Variants in DLC1 observed in about 807,000 individuals in gnomAD.
DLC1 encodes the protein DLC1 Rho GTPase activating protein, also known as rho GTPase-activating protein 7.
DLC1 carries 54 observed loss-of-function variants against 140.3 expected under a neutral mutation model. The observed-to-expected ratio is 0.38, with a 90% CI of 0.31 to 0.48. DLC1 has a LOEUF of 0.48. Among genes scored for constraint, DLC1 ranks in the 20% least tolerant of loss-of-function variants. The pLI is 0.96. For missense variants in DLC1, 2,536 were observed against 1,907.0 expected (o/e 1.33, Z -6.14); for synonymous variants, 986 against 728.1 (o/e 1.35, Z -5.70).
intron 1 of DLC1, among the ~76,000 whole-genome samples, chr8:13,512,238 GA>G (rs950683426): frequency 1.1e-4 from 17 of 150,392 alleles, no homozygotes; most frequent in Admixed American, 2.0e-4. Flanking sequence ...CATGAAAATG[GA>G]AAAAAAAAGT....
intron 1 of DLC1, among the ~76,000 whole-genome samples, chr8:13,500,719 A>G (rs1801774379): frequency 6.6e-6 from 1 of 152,186 alleles, no homozygotes; most frequent in Admixed American, 6.5e-5. Context: ...AACCCAAACG[A>G]CCAGTATGTA....
chr8:13,585,774 C>T (rs1389809545), intron 1 of DLC1, among the ~76,000 whole-genome samples: 5 of 152,044 alleles, frequency 3.3e-5, no homozygotes, highest in African/African-American at 1.2e-4. Flanking sequence ...TTTATTCTAC[C>T]CATGCTCATA....
At chr8:13,275,455 A>G (rs1383744149) in intron 5 of DLC1, among the ~76,000 whole-genome samples, 1 of 152,242 alleles carries the variant, frequency 6.6e-6, no homozygotes, top group African/African-American at 2.4e-5. Context: ...CCATCCATGT[A>G]GACGGCATAG....
chr8:13,152,433 T>G (rs1823890273), intron 5 of DLC1, among the ~76,000 whole-genome samples: 1 of 152,230 alleles, frequency 6.6e-6, no homozygotes, highest in Non-Finnish European at 1.5e-5. Context: ...CAATAAAGCT[T>G]TAATTAAAGC....
chr8:13,470,780 A>G (rs965538252), intron 2 of DLC1, among the ~76,000 whole-genome samples: 6 of 152,186 alleles, frequency 3.9e-5, no homozygotes, highest in African/African-American at 1.4e-4. Flanking sequence ...CTGTATATAT[A>G]CAAAGGAAAG....
At chr8:13,165,801 T>C (rs567470624) in intron 5 of DLC1, among the ~76,000 whole-genome samples, 4 of 152,248 alleles carry the variant, frequency 2.6e-5, no homozygotes, top group African/African-American at 9.6e-5. Flanking sequence ...TGGCCTTGAC[T>C]AGCAGTAGGG....
chr8:13,500,098 G>C lies in DLC1; in HGVS notation c.-27C>G, dbSNP rs749353558. Reference sequence around the variant, plus strand: ...TCATCGTAGTTTAACAACAGACAGAGAGATATATTCCATATGAGGGTAAAG... The same window carrying C: ...TCATCGTAGTTTAACAACAGACAGACAGATATATTCCATATGAGGGTAAAG... On this transcript the variant is annotated 5_prime_UTR_variant, in exon 2 of 18. Transcript: ENST00000276297. The C allele has an allele frequency of 4.4e-5, 69 of 1,583,904 alleles. 1 individual carries two copies. The South Asian group carries it at 7.1e-4, about 16-fold the overall frequency.
At chr8:13,105,392 G>A (rs1412616926) in intron 7 of DLC1, among the ~76,000 whole-genome samples, 1 of 152,092 alleles carries the variant, frequency 6.6e-6, no homozygotes, top group African/African-American at 2.4e-5. Flanking sequence ...GAGGCCTACT[G>A]CGGGCCAGGC....
chr8:13,392,136 G>A (rs983029881), intron 4 of DLC1, among the ~76,000 whole-genome samples: 1 of 152,022 alleles, frequency 6.6e-6, no homozygotes, highest in African/African-American at 2.4e-5. Flanking sequence ...AGTTTACCCC[G>A]AAAGATCATT....
At chr8:13,245,771 G>A (rs1829738344) in intron 5 of DLC1, among the ~76,000 whole-genome samples, 1 of 152,106 alleles carries the variant, frequency 6.6e-6, no homozygotes, top group East Asian at 1.9e-4. Context: ...CATGATCTCA[G>A]CTCACTACAA....
intron 5 of DLC1, among the ~76,000 whole-genome samples, chr8:13,266,757 C>A (rs1468018994): frequency 6.6e-6 from 1 of 151,706 alleles, no homozygotes; most frequent in Admixed American, 6.6e-5. Context: ...AAAAACAAAA[C>A]AAAACAAAAC....
intron 2 of DLC1, among the ~76,000 whole-genome samples, chr8:13,413,640 G>T (rs1336917651): frequency 2.6e-5 from 4 of 151,950 alleles, no homozygotes; most frequent in Non-Finnish European, 4.4e-5. Context: ...TCATGGAGGA[G>T]GTTCCCCCAT....
intron 4 of DLC1, among the ~76,000 whole-genome samples, chr8:13,356,305 G>C (rs1563280078): frequency 6.6e-6 from 1 of 152,012 alleles, no homozygotes; most frequent in Non-Finnish European, 1.5e-5. Flanking sequence ...AAGTCATCCA[G>C]TCCAATTCCT....
chr8:13,499,897 C>T lies in DLC1; in HGVS notation c.175G>A (p.Val59Ile). ...TLNVDRKEKC[V>I]SLPDCCHGSE... ...CCATGACAGCAGTCAGGTAGTGAAA[C>T]ACACTTCTCTTTGCGGTCCACATTT... is the stretch of plus-strand genomic sequence containing the variant. The change falls in exon 2 of 18, where the codon GTT becomes ATT. Residue 59 changes from valine to isoleucine, a missense_variant. By Grantham distance (29) the Val-to-Ile change is conservative. Transcript: ENST00000276297. 2 of 1,614,088 alleles carry T rather than the reference C, an allele frequency of 1.2e-6. No homozygotes were observed. The highest frequency in any genetic ancestry group is 1.7e-6 in the Non-Finnish European group (2 of 1,179,990).
intron 1 of DLC1, among the ~76,000 whole-genome samples, chr8:13,547,558 A>G (rs1803695364): frequency 6.6e-6 from 1 of 152,084 alleles, no homozygotes; most frequent in African/African-American, 2.4e-5. Flanking sequence ...AAAGGTGAGT[A>G]TATGCTATTG....
chr8:13,387,740 A>G (rs1586254135), intron 4 of DLC1, among the ~76,000 whole-genome samples: 1 of 152,118 alleles, frequency 6.6e-6, no homozygotes, highest in Non-Finnish European at 1.5e-5. Flanking sequence ...CAGTTTTCAC[A>G]TATACCTAAA....
At chr8:13,571,397 T>A (rs964216970) in intron 1 of DLC1, among the ~76,000 whole-genome samples, 1 of 152,204 alleles carries the variant, frequency 6.6e-6, no homozygotes, top group African/African-American at 2.4e-5. Flanking sequence ...CCTGGTCACC[T>A]CGAATGTACT....
intron 2 of DLC1, among the ~76,000 whole-genome samples, chr8:13,442,124 A>T (rs565073903): frequency 1.3e-5 from 2 of 152,314 alleles, no homozygotes; most frequent in East Asian, 3.9e-4. Context: ...TATTTAATAA[A>T]TGGTGCTGGG....
At chr8:13,186,075 G>T (rs890526475) in intron 5 of DLC1, among the ~76,000 whole-genome samples, 1 of 151,852 alleles carries the variant, frequency 6.6e-6, no homozygotes, top group Non-Finnish European at 1.5e-5. Context: ...CTGGCTGCCC[G>T]TAACGCTTTT....
Sources: allele counts gnomAD v4.1 joint callset (sites outside exome capture counted in the v4.1 genomes callset), GRCh38; gene constraint gnomAD v4.1.1; transcripts MANE v1.5; gene names NCBI Gene and HGNC (gene_info 2026-07-23, HGNC 2026-07-21).